SPTBN1: variants seen among roughly 807,000 people sequenced by gnomAD.
SPTBN1 encodes the protein spectrin beta, non-erythrocytic 1.
In SPTBN1, 32 loss-of-function variants were observed where a neutral mutation model predicts 266.4. The ratio of observed to expected loss-of-function variants is 0.12; its 90% confidence interval spans 0.09 to 0.16. The LOEUF (loss-of-function observed/expected upper bound fraction) is 0.16. SPTBN1 is among the 10% of genes least tolerant of loss of function. The pLI, the probability that SPTBN1 is intolerant of heterozygous loss-of-function variation, is 1.00. For missense variants in SPTBN1, 2,296 were observed against 3,067.1 expected (o/e 0.75, Z 5.94); for synonymous variants, 1,336 against 1,162.2 (o/e 1.15, Z -3.04).
chr2:54,657,648 CTT>C, intron 29 of SPTBN1, among the ~76,000 whole-genome samples, 200 bp from the exon 30 acceptor site: 1 of 152,248 alleles, frequency 6.6e-6, no homozygotes, highest in East Asian at 1.9e-4. Context: ...TATTTTTACT[CTT>C]TTTAATGTGG....
intron 2 of SPTBN1, chr2:54,529,688 A>C: frequency 1.4e-6 from 1 of 718,672 alleles, no homozygotes; most frequent in Non-Finnish European, 2.6e-6. Flanking sequence ...GGCTGTGAAG[A>C]AGCTCTGTGA....
chr2:54,623,725 C>T (rs1678144740), intron 10 of SPTBN1, 129 bp downstream of exon 10: 1 of 718,036 alleles, frequency 1.4e-6, no homozygotes, highest in Non-Finnish European at 2.3e-6. Flanking sequence ...TGACAATTGG[C>T]AGCTGGTGCT....
At chr2:54,660,920 A>G (rs1680997649) in intron 32 of SPTBN1, 5 of 985,440 alleles carry the variant, frequency 5.1e-6, no homozygotes, top group Non-Finnish European at 4.8e-6. Flanking sequence ...ATGCCTCTCC[A>G]TTCAGCCGAT....
intron 1 of SPTBN1, among the ~76,000 whole-genome samples, chr2:54,485,759 C>G (rs1264929489): frequency 6.6e-6 from 1 of 151,532 alleles, no homozygotes; most frequent in Non-Finnish European, 1.5e-5. Flanking sequence ...CGCCTCTTCC[C>G]GGCCGCCATC....
At chr2:54,660,295 T>C (rs1266367792) in intron 32 of SPTBN1, 1 of 1,297,880 alleles carries the variant, frequency 7.7e-7, no homozygotes, top group East Asian at 2.9e-5. Context: ...TGTTTATTTA[T>C]TGTGAGCTTT....
At chr2:54,543,559 C>T (rs922958817) in intron 2 of SPTBN1, among the ~76,000 whole-genome samples, 7 of 151,350 alleles carry the variant, frequency 4.6e-5, no homozygotes, top group Non-Finnish European at 7.4e-5. Context: ...CAGTCCTTCT[C>T]CTGGGAAGCA....
At chr2:54,549,249 A>C (rs1435498429) in intron 2 of SPTBN1, among the ~76,000 whole-genome samples, 1 of 145,806 alleles carries the variant, frequency 6.9e-6, no homozygotes, top group Non-Finnish European at 1.5e-5. Context: ...AGATTGTGCC[A>C]TTGCACTCCA....
chr2:54,492,349 G>T (rs7574873), intron 1 of SPTBN1, among the ~76,000 whole-genome samples: 77,609 of 131,384 alleles, frequency 0.59, 23,094 homozygotes, highest in African/African-American at 0.77. Context: ...TTGTTTTTTT[G>T]TTTTTTTTTT....
At chr2:54,643,420 G>T (rs1679709475) in intron 19 of SPTBN1, among the ~76,000 whole-genome samples, 1 of 152,182 alleles carries the variant, frequency 6.6e-6, no homozygotes, top group South Asian at 2.1e-4. Context: ...TGGACTGTGA[G>T]CTCTCATGCA....
intron 29 of SPTBN1, among the ~76,000 whole-genome samples, chr2:54,656,521 T>A (rs1460081378): frequency 6.6e-6 from 1 of 152,206 alleles, no homozygotes; most frequent in Non-Finnish European, 1.5e-5. Context: ...TATAAGGGAA[T>A]ATGTGAGCTA....
chr2:54,659,280 G>C lies in SPTBN1; in HGVS notation c.6356+14G>C. 1 of 1,612,330 alleles carries C rather than the reference G, an allele frequency of 6.2e-7. No individual in the cohort carries two copies. Among genetic ancestry groups the C allele is most frequent in the Non-Finnish European group, 8.5e-7 (1 of 1,178,530 alleles). On this transcript the variant is annotated intron_variant, in intron 31 of 35. Transcript: ENST00000356805. ...CCAGCAGCAGTGGTGAGTCCCAGCA[G>C]CTCCAGAGGCTGGACCCTTAGCCTC...
chr2:54,516,229 GC>G, intron 1 of SPTBN1: 1 of 152,212 alleles, frequency 6.6e-6, no homozygotes, highest in East Asian at 1.9e-4. Context: ...GCCACCACCA[GC>G]AAAACTTTAG....
chr2:54,500,060 G>A (rs1011558876), intron 1 of SPTBN1, among the ~76,000 whole-genome samples: 1 of 152,126 alleles, frequency 6.6e-6, no homozygotes, highest in African/African-American at 2.4e-5. Flanking sequence ...GATTTGTTTT[G>A]TGTTTTTCTG....
intron 1 of SPTBN1, among the ~76,000 whole-genome samples, chr2:54,461,832 T>C (rs772724196): frequency 5.2e-5 from 8 of 152,384 alleles, no homozygotes; most frequent in Non-Finnish European, 1.0e-4. Context: ...CTTGCGACAA[T>C]TACTTCTCAG....
At chr2:54,530,645 CCG>C (rs1387278201) in intron 2 of SPTBN1, among the ~76,000 whole-genome samples, 1 of 152,144 alleles carries the variant, frequency 6.6e-6, no homozygotes, top group Admixed American at 6.5e-5. Context: ...GCATGAGCCA[CCG>C]CGCCCGGCTT....
intron 2 of SPTBN1, among the ~76,000 whole-genome samples, chr2:54,590,485 C>T (rs1165474311): frequency 6.6e-6 from 1 of 152,166 alleles, no homozygotes; most frequent in African/African-American, 2.4e-5. Context: ...TAGGATTGAG[C>T]CTTTGCCTCT....
chr2:54,496,286 A>C (rs1668963583), intron 1 of SPTBN1, among the ~76,000 whole-genome samples: 3 of 151,990 alleles, frequency 2.0e-5, no homozygotes, highest in Non-Finnish European at 2.9e-5. Context: ...AAAATACAAA[A>C]AATTAGCCAG....
chr2:54,634,634 G>A (rs1353460947), intron 17 of SPTBN1, among the ~76,000 whole-genome samples: 1 of 152,194 alleles, frequency 6.6e-6, no homozygotes, highest in Non-Finnish European at 1.5e-5. Context: ...ACACATCTGT[G>A]AGTTCCAGGT....
intron 1 of SPTBN1, among the ~76,000 whole-genome samples, chr2:54,471,682 G>C (rs79896454): frequency 0.024 from 3,651 of 152,136 alleles, 136 homozygotes; most frequent in African/African-American, 0.08. Flanking sequence ...CACTAATGCA[G>C]CCTTGGCCTG....
Sources: allele counts gnomAD v4.1 joint callset (sites outside exome capture counted in the v4.1 genomes callset), GRCh38; gene constraint gnomAD v4.1.1; transcripts MANE v1.5; gene names NCBI Gene and HGNC (gene_info 2026-07-23, HGNC 2026-07-21).